CLIC4: variants seen among roughly 807,000 people sequenced by gnomAD.
CLIC4 encodes the protein CLIC family member 4.
A neutral mutation model predicts 24.6 loss-of-function variants in CLIC4; 13 were observed. The observed-to-expected ratio is 0.53, with a 90% confidence interval of 0.34 to 0.84. CLIC4 has a LOEUF of 0.84. CLIC4 is among the 40% of genes least tolerant of loss of function. CLIC4 has a pLI of 0.01. For missense variants in CLIC4, 227 were observed against 301.7 expected (o/e 0.75, Z 1.83); for synonymous variants, 104 against 111.3 (o/e 0.93, Z 0.41).
At chr1:24,773,591 CTTTTTTT>C (rs61367134) in intron 1 of CLIC4, among the ~76,000 whole-genome samples, 4 of 73,994 alleles carry the variant, frequency 5.4e-5, no homozygotes, top group Non-Finnish European at 7.7e-5. Context: ...TGAGATGCAC[CTTTTTTT>C]TTTTTTTTTT....
chr1:24,761,290 A>G (rs1434221703), intron 1 of CLIC4, among the ~76,000 whole-genome samples: 11 of 152,186 alleles, frequency 7.2e-5, no homozygotes, highest in Non-Finnish European at 1.6e-4. Flanking sequence ...ATGTTAAAGA[A>G]ACATATAAAT....
intron 1 of CLIC4, among the ~76,000 whole-genome samples, chr1:24,760,234 C>T (rs185851881): frequency 5.9e-5 from 9 of 151,752 alleles, no homozygotes; most frequent in African/African-American, 1.2e-4. Context: ...GGCGTGGTGG[C>T]GGGTGCCTGT....
chr1:24,772,781 G>A (rs926847503), intron 1 of CLIC4, among the ~76,000 whole-genome samples: 1 of 152,106 alleles, frequency 6.6e-6, no homozygotes, highest in Admixed American at 6.6e-5. Flanking sequence ...ACAGCGCCCG[G>A]CTGATTTTGT....
intron 1 of CLIC4, among the ~76,000 whole-genome samples, chr1:24,791,079 G>A (rs938340848): frequency 1.3e-5 from 2 of 152,088 alleles, no homozygotes; most frequent in Middle Eastern, 3.4e-3. Flanking sequence ...ATGGTTCAAG[G>A]GTAAGGGAAC....
intron 1 of CLIC4, among the ~76,000 whole-genome samples, chr1:24,781,437 T>G (rs532557437): frequency 6.6e-6 from 1 of 151,096 alleles, no homozygotes; most frequent in African/African-American, 2.4e-5. Flanking sequence ...CCACCGCGTC[T>G]GGCAAGGTAA....
chr1:24,760,442 T>G (rs1262712920), intron 1 of CLIC4, among the ~76,000 whole-genome samples: 1 of 152,100 alleles, frequency 6.6e-6, no homozygotes, highest in Non-Finnish European at 1.5e-5. Flanking sequence ...AGATACAAAG[T>G]CTTTGATCTG....
chr1:24,805,767 C>G (rs1339675914), intron 2 of CLIC4, among the ~76,000 whole-genome samples: 1 of 152,174 alleles, frequency 6.6e-6, no homozygotes, highest in Non-Finnish European at 1.5e-5. Flanking sequence ...GTCACCAGCC[C>G]AGCTTCCTCC....
chr1:24,799,074 G>A (rs1639441172), intron 2 of CLIC4, among the ~76,000 whole-genome samples: 1 of 151,602 alleles, frequency 6.6e-6, no homozygotes. Context: ...CACCCCATCT[G>A]GGAAGTGAGG....
intron 1 of CLIC4, among the ~76,000 whole-genome samples, chr1:24,775,220 C>CTTTTTTTTTTTTTTTTTTTTTTTTTTT (rs1439553733): frequency 1.3e-5 from 1 of 77,034 alleles, no homozygotes; most frequent in Admixed American, 1.4e-4. Context: ...TCCTTTCTTT[C>CTTTTTTTTTTTTTTTTTTTTTTTTTTT]TTTCTTTTTT....
chr1:24,755,106 A>G (rs551091959), intron 1 of CLIC4, among the ~76,000 whole-genome samples: 1 of 150,178 alleles, frequency 6.7e-6, no homozygotes, highest in Non-Finnish European at 1.5e-5. Flanking sequence ...TGGGCAAAAT[A>G]GTGAGTCCTC....
intron 1 of CLIC4, among the ~76,000 whole-genome samples, chr1:24,773,163 G>A (rs1639093094): frequency 1.3e-5 from 2 of 152,012 alleles, no homozygotes; most frequent in East Asian, 1.9e-4. Context: ...CACCTGGAAT[G>A]TAATCTCTTA....
Position 24,814,106 on chromosome 1 carries a change from C to G in CLIC4, c.195C>G (p.Asp65Glu). 1 of 1,613,744 alleles carries G rather than the reference C, an allele frequency of 6.2e-7. No individual in the cohort carries two copies. Among genetic ancestry groups the G allele is most frequent in the Non-Finnish European group, 8.5e-7 (1 of 1,180,000 alleles). ...TTVDLKRKPA[D>E]LQNLAPGTHP... ...TTTTGCCCAACAGGAAGCCAGCAGA[C>G]CTGCAGAACTTGGCTCCCGGGACCC... The change falls in exon 3 of 6, where the codon GAC (aspartate) becomes GAG (glutamate). Residue 65 changes from aspartate to glutamate, a missense_variant. By Grantham distance (45) the Asp-to-Glu change is conservative. Coordinates refer to ENST00000374379, the MANE Select transcript of CLIC4 (RefSeq NM_013943.3).
chr1:24,809,910 AC>A (rs1283069082), intron 2 of CLIC4, among the ~76,000 whole-genome samples: 26 of 152,348 alleles, frequency 1.7e-4, no homozygotes, highest in African/African-American at 4.6e-4. Flanking sequence ...TTGTTGTATT[AC>A]TTTTCTTGAA....
At chr1:24,798,267 C>T (rs1194854525) in intron 2 of CLIC4, among the ~76,000 whole-genome samples, 3 of 152,190 alleles carry the variant, frequency 2.0e-5, no homozygotes, top group South Asian at 2.1e-4. Flanking sequence ...GGTTGAATAC[C>T]GTTGTTGTCA....
chr1:24,797,777 C>G lies in CLIC4; in HGVS notation c.108C>G (p.Pro36=). 5.6e-6 allele frequency: 9 copies of G among 1,613,366 alleles called. No individual in the cohort carries two copies. Among genetic ancestry groups the G allele is most frequent in the Non-Finnish European group, 7.6e-6 (9 of 1,179,748 alleles). The change falls in exon 2 of 6, where the codon CCC becomes CCG. Residue 36 remains proline, a synonymous_variant. Transcript: ENST00000374379. ...GSDGESIGNC[P]FSQRLFMILW... is the part of the protein sequence containing the mutation. Reference sequence around the variant, plus strand: ...ATGGTGAAAGCATAGGAAACTGCCCCTTTTCCCAGAGGCTCTTCATGATTC... The same window carrying G: ...ATGGTGAAAGCATAGGAAACTGCCCGTTTTCCCAGAGGCTCTTCATGATTC...
chr1:24,756,232 C>G (rs11803185), intron 1 of CLIC4, among the ~76,000 whole-genome samples: 4 of 152,108 alleles, frequency 2.6e-5, no homozygotes, highest in Admixed American at 1.3e-4. Context: ...ATCTCCTGAC[C>G]TCGTGATCCG....
chr1:24,841,003 C>T lies in CLIC4; in HGVS notation c.*66C>T. ...AGAATACGCTTTTCCTAACAGGCTA[C>T]TCCTTCCTGTAGAGCAGAAATTGTA... On this transcript the variant is annotated 3_prime_UTR_variant, in exon 6 of 6. Transcript: ENST00000374379. 2.2e-6 allele frequency: 3 copies of T among 1,365,592 alleles called. No homozygotes were observed. The highest frequency in any genetic ancestry group is 3.0e-6 in the Non-Finnish European group (3 of 997,034). The allele number at this position is 1,365,592 out of a possible 1,614,324, so 84.6% of individuals were successfully genotyped here. A position where few individuals can be genotyped will look rare whatever the true frequency, so the allele number is the denominator to read the frequency against.
chr1:24,778,447 T>C (rs141913945), intron 1 of CLIC4, among the ~76,000 whole-genome samples: 10 of 152,348 alleles, frequency 6.6e-5, no homozygotes, highest in Non-Finnish European at 1.5e-4. Context: ...GGTAACATTT[T>C]GATTTATTGT....
intron 1 of CLIC4, among the ~76,000 whole-genome samples, chr1:24,767,024 T>TAAA (rs34142565): frequency 1.7e-4 from 12 of 71,088 alleles, no homozygotes; most frequent in African/African-American, 8.5e-4. Context: ...GCTGATGAGC[T>TAAA]AAAAAAAAAA....
Sources: gnomAD v4.1 joint callset for allele counts (sites outside exome capture counted in the v4.1 genomes callset) on GRCh38, gnomAD v4.1.1 for gene constraint, MANE v1.5 for transcripts, NCBI Gene and HGNC (gene_info 2026-07-23, HGNC 2026-07-21) for gene names.